The following ADORA2A variants were observed in gnomAD, a reference collection of about 807,000 sequenced individuals.
ADORA2A encodes the protein adenosine receptor A2a.
Under a neutral mutation model 18.4 loss-of-function variants are expected in ADORA2A, and 11 were observed. That is an observed-to-expected ratio of 0.60 (90% confidence interval 0.38 to 0.99). ADORA2A has a LOEUF of 0.99. Among genes scored for constraint, ADORA2A ranks in the 50% least tolerant of loss-of-function variants. ADORA2A has a pLI of 0.01. For missense variants in ADORA2A, 449 were observed against 556.1 expected, an observed-to-expected ratio of 0.81 and a Z score of 1.94; for synonymous variants, 218 against 237.3, an observed-to-expected ratio of 0.92 and a Z score of 0.75.
At chr22:24,438,769 A>G (rs1388598177) in intron 2 of ADORA2A, 2 of 152,248 alleles carry the variant, frequency 1.3e-5, no homozygotes, top group Non-Finnish European at 2.9e-5. Context: ...CTGTAAAACA[A>G]GAGGATTGGA....
upstream of ADORA2A, among the ~76,000 whole-genome samples, chr22:24,426,349 G>A (rs1422726550): frequency 1.3e-5 from 2 of 152,240 alleles, no homozygotes; most frequent in Admixed American, 6.5e-5. Flanking sequence ...ACAGAAGATG[G>A]ATGGATGGAT....
In ADORA2A at chr22:24,440,987, G is replaced by T; in HGVS notation, c.737G>T (p.Trp246Leu). 1 of 1,614,136 alleles carries T rather than the reference G, an allele frequency of 6.2e-7. No individual in the cohort carries two copies. The highest frequency in any genetic ancestry group is 8.5e-7 in the Non-Finnish European group (1 of 1,180,018). ...AIIVGLFALC[W>L]LPLHIINCFT... is the part of the protein sequence containing the mutation. ...ATTGTGGGGCTCTTTGCCCTCTGCT[G>T]GCTGCCCCTACACATCATCAACTGC... The change falls in exon 3 of 3, where the codon TGG becomes TTG. Residue 246 changes from tryptophan to leucine, a missense_variant. Coordinates refer to ENST00000337539, the MANE Select transcript of ADORA2A (RefSeq NM_000675.6).
chr22:24,427,958 G>A (rs1399510891), intron 1 of ADORA2A, among the ~76,000 whole-genome samples: 1 of 152,210 alleles, frequency 6.6e-6, no homozygotes, highest in African/African-American at 2.4e-5. Flanking sequence ...CCTGCCACCA[G>A]GAGCAGAGAG....
intron 2 of ADORA2A, among the ~76,000 whole-genome samples, chr22:24,436,347 G>T (rs2043178525): frequency 6.6e-6 from 1 of 152,144 alleles, no homozygotes; most frequent in South Asian, 2.1e-4. Context: ...CACTCAGAAA[G>T]GTCCATTCGG....
chr22:24,441,250 G>C lies in ADORA2A; in HGVS notation c.1000G>C (p.Val334Leu), dbSNP rs760812946. ...AGCTCATGGCAGTGACGGAGAGCAG[G>C]TCAGCCTCCGTCTCAACGGCCACCC... Reference protein sequence around the residue: ...LAAHGSDGEQVSLRLNGHPPG... With the variant: ...LAAHGSDGEQLSLRLNGHPPG... The change falls in exon 3 of 3, where the codon GTC (valine) becomes CTC (leucine). Residue 334 changes from valine (V) to leucine (L), a missense_variant. Val to Leu is a conservative substitution (Grantham distance 32). Coordinates refer to ENST00000337539, the MANE Select transcript of ADORA2A (RefSeq NM_000675.6). 1.2e-6 allele frequency: 2 copies of C among 1,613,440 alleles called. No individual in the cohort carries two copies. The highest frequency in any genetic ancestry group is 1.7e-6 in the Non-Finnish European group (2 of 1,179,954).
chr22:24,426,758 G>T (rs886064601), upstream of ADORA2A, among the ~76,000 whole-genome samples: 13 of 152,102 alleles, frequency 8.5e-5, no homozygotes, highest in African/African-American at 2.9e-4. Context: ...GCTGCCCCTC[G>T]TCCCAGCACA....
chr22:24,427,487 C>T (rs190461334), upstream of ADORA2A: 472 of 152,474 alleles, frequency 3.1e-3, 2 homozygotes, highest in Non-Finnish European at 5.0e-3. Flanking sequence ...CCCCCTTCAG[C>T]GGCATAGTAC....
intron 1 of ADORA2A, among the ~76,000 whole-genome samples, chr22:24,427,983 G>A (rs912250872): frequency 6.6e-6 from 1 of 152,294 alleles, no homozygotes; most frequent in Non-Finnish European, 1.5e-5. Context: ...AGCTGCACCC[G>A]GGCTGTGGGG....
At chr22:24,429,899 A>C (rs2042987975) in intron 1 of ADORA2A, 1 of 152,228 alleles carries the variant, frequency 6.6e-6, no homozygotes, top group Non-Finnish European at 1.5e-5. Flanking sequence ...TGGCCAGCTG[A>C]CTCTGTGTTG....
At chr22:24,437,646 T>C (rs994657274) in intron 2 of ADORA2A, among the ~76,000 whole-genome samples, 9 of 152,240 alleles carry the variant, frequency 5.9e-5, no homozygotes, top group Non-Finnish European at 1.3e-4. Context: ...CCACCCTCAG[T>C]TCCCTGCCTG....
upstream of ADORA2A, among the ~76,000 whole-genome samples, chr22:24,426,288 A>G (rs542166283): frequency 1.5e-4 from 23 of 152,300 alleles, no homozygotes; most frequent in Admixed American, 5.9e-4. Flanking sequence ...TGTCTTGTCT[A>G]TTGCAGCGCA....
intron 2 of ADORA2A, among the ~76,000 whole-genome samples, chr22:24,435,579 G>A (rs1052477435): frequency 1.3e-5 from 2 of 152,202 alleles, no homozygotes; most frequent in Admixed American, 6.5e-5. Flanking sequence ...GTGTGGCTAT[G>A]GAAAGTTAGC....
At chr22:24,435,044 G>A (rs1284037451) in intron 2 of ADORA2A, among the ~76,000 whole-genome samples, 1 of 152,230 alleles carries the variant, frequency 6.6e-6, no homozygotes, top group African/African-American at 2.4e-5. Flanking sequence ...AGTGGGAGCA[G>A]GAGCTGCACT....
At position 24,441,209 on chromosome 22, in the gene ADORA2A, G is replaced by A. The variant is rs769268486; in HGVS notation, c.959G>A (p.Ser320Asn). 6.2e-7 allele frequency: 1 copy of A among 1,613,976 alleles called. No individual in the cohort carries two copies. Among genetic ancestry groups the A allele is most frequent in the African/African-American group, 1.3e-5 (1 of 74,936 alleles). The change falls in exon 3 of 3, where the codon AGT (serine) becomes AAT (asparagine). Residue 320 changes from serine (S) to asparagine (N), a missense_variant. Physicochemically the swap from Ser to Asn is conservative, Grantham distance 46. Transcript: ENST00000337539. The stretch of plus-strand genomic sequence containing the variant: ...GAACCTTTCAAGGCAGCTGGCACCA[G>A]TGCCCGGGTCTTGGCAGCTCATGGC... ...QQEPFKAAGT[S>N]ARVLAAHGSD... is the part of the protein sequence containing the mutation.
intron 2 of ADORA2A, chr22:24,438,427 A>T (rs1270883555): frequency 1.3e-5 from 2 of 152,240 alleles, no homozygotes; most frequent in East Asian, 3.8e-4. Flanking sequence ...TCCGGCACAG[A>T]GTCAGTGCTA....
Position 24,433,416 on chromosome 22 carries a change from G to A in ADORA2A, c.12G>A (p.Met4Ile). 1 of 1,611,416 alleles carries A rather than the reference G, an allele frequency of 6.2e-7. No homozygotes were observed. The highest frequency in any genetic ancestry group is 8.5e-7 in the Non-Finnish European group (1 of 1,179,006). MPI[M>I]GSSVYITVEL... ...TGTCGTCTGTGGCCATGCCCATCAT[G>A]GGCTCCTCGGTGTACATCACGGTGG... The change falls in exon 2 of 3, where the codon ATG becomes ATA. Residue 4 changes from methionine (M) to isoleucine (I), a missense_variant. Coordinates refer to ENST00000337539, the MANE Select transcript of ADORA2A (RefSeq NM_000675.6).
rs1422935579 is a variant in ADORA2A, at chr22:24,433,205, G to A, written c.-200G>A. ...ACCCCTGCAGAGGGCCTGGTTTCAG[G>A]AGACTCAGAGTCCTCTGTGAAAAAG... On this transcript the variant is annotated 5_prime_UTR_variant, in exon 2 of 3. Transcript: ENST00000337539. 6.7e-6 allele frequency: 4 copies of A among 600,810 alleles called. No homozygotes were observed. The East Asian group carries it at 8.3e-5, about 12-fold the overall frequency. The allele number at this position is 600,810 out of a possible 1,614,324, so 37.2% of individuals were successfully genotyped here.
chr22:24,428,971 A>G (rs918632344), intron 1 of ADORA2A, among the ~76,000 whole-genome samples: 2 of 152,204 alleles, frequency 1.3e-5, no homozygotes, highest in African/African-American at 4.8e-5. Context: ...GGAGGGTTCT[A>G]AGGCTGGGAT....
intron 2 of ADORA2A, among the ~76,000 whole-genome samples, chr22:24,437,123 A>G (rs907725383): frequency 2.0e-5 from 3 of 152,212 alleles, no homozygotes; most frequent in Non-Finnish European, 4.4e-5. Flanking sequence ...AGCTGGAATC[A>G]TGGGGCATAT....
Sources: gnomAD v4.1 joint callset for allele counts (sites outside exome capture counted in the v4.1 genomes callset) on GRCh38, gnomAD v4.1.1 for gene constraint, MANE v1.5 for transcripts, NCBI Gene and HGNC (gene_info 2026-07-23, HGNC 2026-07-21) for gene names.